WDR36: variants seen among roughly 807,000 people sequenced by gnomAD.
WDR36 encodes the protein WD repeat domain 36, also known as WD repeat-containing protein 36.
WDR36 carries 63 observed loss-of-function variants against 112.7 expected under a neutral mutation model. The observed-to-expected ratio is 0.56, with a 90% CI of 0.46 to 0.69. The LOEUF (loss-of-function observed/expected upper bound fraction) is 0.69, where lower values mean the gene tolerates loss of function less well. Ranked by LOEUF, WDR36 falls within the 30% of genes least tolerant of loss-of-function variation. WDR36 has a pLI of 0.00. For missense variants in WDR36, 1,226 were observed against 1,070.3 expected, an observed-to-expected ratio of 1.15 and a Z score of -2.03; for synonymous variants, 410 against 362.2, an observed-to-expected ratio of 1.13 and a Z score of -1.50.
chr5:111,096,849 T>C (rs942819170), intron 2 of WDR36, among the ~76,000 whole-genome samples: 8 of 152,200 alleles, frequency 5.3e-5, no homozygotes, highest in Non-Finnish European at 1.5e-5. Flanking sequence ...TTTCTGCAAA[T>C]CCTAGACATT....
At chr5:111,106,196 T>C in intron 11 of WDR36, 53 bp downstream of exon 11, 1 of 1,413,360 alleles carries the variant, frequency 7.1e-7, no homozygotes, top group East Asian at 2.3e-5. Context: ...ATTTATTTCC[T>C]ACTGTATGCT....
At chr5:111,093,171 A>C (rs1471872511) in intron 1 of WDR36, among the ~76,000 whole-genome samples, 1 of 152,260 alleles carries the variant, frequency 6.6e-6, no homozygotes, top group Non-Finnish European at 1.5e-5. Context: ...AGGTGTCATT[A>C]TACCGTAGCA....
rs113544667 is a variant in WDR36 at position 111,105,560 on chromosome 5, A to G, written c.1093+200A>G. 4.3e-3 allele frequency among the ~76,000 whole-genome samples: 651 copies of G among 151,698 alleles called. 3 individuals carry two copies. Among genetic ancestry groups the G allele is most frequent in the African/African-American group, 0.015 (623 of 41,490 alleles). On this transcript the variant is annotated intron_variant, in intron 10 of 22. Transcript: ENST00000513710. ...AGGTTCTGCTATAAGGTTATTGAAA[A>G]AAGTTAGACATCTTGGGTGGTAAAA...
chr5:111,130,490 C>G lies in WDR36; in HGVS notation c.*3607C>G, dbSNP rs1753768858. ...ATATATATATATGATATAATAAACA[C>G]TTTTTGACATTCTGGGAGTTTTACT... On this transcript the variant is annotated 3_prime_UTR_variant, in exon 23 of 23. Transcript: ENST00000513710. The G allele has an allele frequency of 5.8e-6, 1 of 172,626 alleles. No homozygotes were observed. Among genetic ancestry groups the G allele is most frequent in the South Asian group, 2.0e-4 (1 of 4,978 alleles). 10.7% of individuals were successfully genotyped at this position (172,626 alleles called of 1,614,324 possible).
chr5:111,126,190 A>G (rs959157499), intron 22 of WDR36, among the ~76,000 whole-genome samples: 8 of 151,816 alleles, frequency 5.3e-5, no homozygotes, highest in Admixed American at 3.9e-4. Flanking sequence ...GGTTAGTTAC[A>G]TTTTGGAAGT....
intron 21 of WDR36, among the ~76,000 whole-genome samples, chr5:111,125,136 G>C (rs1039398023): frequency 6.6e-6 from 1 of 152,130 alleles, no homozygotes; most frequent in Non-Finnish European, 1.5e-5. Context: ...TATATATTCT[G>C]TACTGTTAGT....
intron 9 of WDR36, 62 bp from the exon 10 acceptor site, chr5:111,105,233 T>C: frequency 6.6e-7 from 1 of 1,506,490 alleles, no homozygotes; most frequent in Non-Finnish European, 9.2e-7. Flanking sequence ...ATAAAATTTG[T>C]GATTCACATA....
chr5:111,100,524 T>C, intron 4 of WDR36, 65 bp from the exon 5 acceptor site: 1 of 1,141,916 alleles, frequency 8.8e-7, no homozygotes. Context: ...AAGTGATAAA[T>C]ATATGGTTAC....
chr5:111,113,834 C>T (rs1753399771), intron 16 of WDR36, among the ~76,000 whole-genome samples: 3 of 152,070 alleles, frequency 2.0e-5, no homozygotes. Context: ...CTGTCTTTCT[C>T]TTCTTATAAA....
At position 111,124,285 on chromosome 5, in the gene WDR36, A is replaced by G. The variant is rs1580405645; in HGVS notation, c.2350+96A>G. The G allele has an allele frequency of 4.8e-6, 5 of 1,033,930 alleles. No individual in the cohort carries two copies. The Admixed American group carries it at 1.1e-4, about 22-fold the overall frequency. The allele number at this position is 1,033,930 out of a possible 1,614,324, so 64.0% of individuals were successfully genotyped here. ...GGAAATATCAGCGTTCTCAGTAGTTAAGATAGTAAAAATCAAAAAGATTGA... is the reference window on the plus strand; with the variant it reads ...GGAAATATCAGCGTTCTCAGTAGTTGAGATAGTAAAAATCAAAAAGATTGA... On this transcript the variant is annotated intron_variant, in intron 21 of 22. Coordinates refer to ENST00000513710, the MANE Select transcript of WDR36 (RefSeq NM_139281.3).
chr5:111,099,410 T>C (rs1410801853), intron 4 of WDR36, among the ~76,000 whole-genome samples: 2 of 151,264 alleles, frequency 1.3e-5, no homozygotes, highest in African/African-American at 4.8e-5. Flanking sequence ...TTCTTTAATC[T>C]GGTTACATTT....
chr5:111,119,182 GTTGCTAAAA>G, intron 17 of WDR36, 62 bp downstream of exon 17: 2 of 1,366,184 alleles, frequency 1.5e-6, no homozygotes, highest in Admixed American at 3.4e-5. Context: ...GAGAGTTAGA[GTTGCTAAAA>G]TTGTCATTTA....
At chr5:111,105,922 A>AT (rs2112573885) in intron 10 of WDR36, 135 bp from the exon 11 acceptor site, 1 of 686,038 alleles carries the variant, frequency 1.5e-6, no homozygotes, top group East Asian at 2.7e-5. Flanking sequence ...TGGTAATAAC[A>AT]TCTTTGTTTT....
chr5:111,101,898 G>A (rs1753127590), intron 5 of WDR36, among the ~76,000 whole-genome samples: 2 of 151,566 alleles, frequency 1.3e-5, no homozygotes, highest in African/African-American at 4.8e-5. Context: ...TTGCTCCATG[G>A]ATGTGTTATT....
rs950863484 is a variant in WDR36 at position 111,120,483 on chromosome 5, T to A, written c.1905-13T>A. 4 of 1,598,588 alleles carry A rather than the reference T, an allele frequency of 2.5e-6. No individual in the cohort carries two copies. The highest frequency in any genetic ancestry group is 3.4e-6 in the Non-Finnish European group (4 of 1,166,892). ...ATAATTTTTAAAATATTGCTTATGT[T>A]TTGATTTTTCAGGTCCAATATTTCC... On this transcript the variant is annotated splice_polypyrimidine_tract_variant and intron_variant, in intron 17 of 22. Coordinates refer to ENST00000513710, the MANE Select transcript of WDR36 (RefSeq NM_139281.3).
Position 111,092,470 on chromosome 5 carries a change from C to G in WDR36, c.14C>G (p.Ser5Ter), listed in dbSNP as rs1390459975. 5 of 1,614,104 alleles carry G rather than the reference C, an allele frequency of 3.1e-6. No homozygotes were observed. In the African/African-American group the frequency reaches 6.7e-5, roughly 22 times the overall value. The change falls in exon 1 of 23, where the codon TCA becomes TGA. Residue 5 changes from serine (S) to a stop codon, truncating the protein, a stop_gained. Coordinates refer to ENST00000513710, the MANE Select transcript of WDR36 (RefSeq NM_139281.3). LOFTEE classifies it high-confidence loss of function. The part of the protein sequence containing the change: MERA[S>*]ERRTASALFA... ...ATCGCGGCGGCAATGGAACGGGCCT[C>G]AGAAAGGCGCACGGCCAGCGCGCTT... is the stretch of plus-strand genomic sequence containing the variant.
In WDR36 at chr5:111,122,245, G is replaced by T. The variant is rs550173061; in HGVS notation, c.2148+1104G>T. On this transcript the variant is annotated intron_variant, in intron 19 of 22. Transcript: ENST00000513710. The stretch of plus-strand genomic sequence containing the variant: ...CATTAATAAGTACAAATAGATTAGT[G>T]TGAGGGGAGCAATCAGAATAATGCT... Among the ~76,000 whole-genome samples, 400 of 152,268 alleles carry T rather than the reference G, an allele frequency of 2.6e-3. 3 individuals carry two copies. Among genetic ancestry groups the T allele is most frequent in the African/African-American group, 9.3e-3 (388 of 41,560 alleles).
intron 5 of WDR36, among the ~76,000 whole-genome samples, chr5:111,102,001 TAA>T (rs774485286): frequency 2.2e-4 from 33 of 151,816 alleles, no homozygotes; most frequent in Admixed American, 4.6e-4. Context: ...TATTAAAATA[TAA>T]GTTATTCCCT....
chr5:111,121,759 G>T, intron 19 of WDR36, among the ~76,000 whole-genome samples: 1 of 152,230 alleles, frequency 6.6e-6, no homozygotes, highest in East Asian at 1.9e-4. Flanking sequence ...GTATTTTTTA[G>T]AGTATGTTTT....
Sources: allele counts gnomAD v4.1 joint callset (sites outside exome capture counted in the v4.1 genomes callset), GRCh38; gene constraint gnomAD v4.1.1; transcripts MANE v1.5; gene names NCBI Gene and HGNC (gene_info 2026-07-23, HGNC 2026-07-21).